The following PPP5C variants were observed in gnomAD, a reference collection of about 807,000 sequenced individuals.
The protein encoded by PPP5C is protein phosphatase 5 catalytic subunit.
Under a neutral mutation model 66.7 loss-of-function variants are expected in PPP5C, and 21 were observed. The observed-to-expected ratio is 0.31, with a 90% CI of 0.22 to 0.45. PPP5C has a LOEUF of 0.45. Among genes scored for constraint, PPP5C ranks in the 20% least tolerant of loss-of-function variants. The pLI is 1.00. For synonymous variants in PPP5C, 246 were observed against 257.4 expected (o/e 0.96, Z 0.43); for missense variants, 464 against 675.9 (o/e 0.69, Z 3.48).
chr19:46,365,886 AGTACTG>A (rs1972482282), intron 2 of PPP5C, among the ~76,000 whole-genome samples: 1 of 152,194 alleles, frequency 6.6e-6, no homozygotes, highest in African/African-American at 2.4e-5. Flanking sequence ...CCAGAATGCC[AGTACTG>A]TGACCCGGGC....
intron 4 of PPP5C, among the ~76,000 whole-genome samples, chr19:46,380,263 T>C (rs1177859090): frequency 1.3e-5 from 2 of 151,580 alleles, no homozygotes; most frequent in East Asian, 1.9e-4. Context: ...GAGGTTGCAG[T>C]GAGCCAAGGT....
Position 46,383,917 on chromosome 19 carries a change from C to A in PPP5C, c.798+39C>A, listed in dbSNP as rs1446574367. On this transcript the variant is annotated intron_variant, in intron 6 of 12. Transcript: ENST00000012443. This position sits in a 1 kb window ranked among gnomAD's most constrained non-coding sequence, Gnocchi z 5.0. ...CAGAGCCACCCTCTCCCCACCTCCA[C>A]CCCCAGCCGCAGCCTCAGGTCTGCA... 1 of 1,497,402 alleles carries A rather than the reference C, an allele frequency of 6.7e-7. No individual in the cohort carries two copies. The highest frequency in any genetic ancestry group is 2.3e-5 in the East Asian group (1 of 44,312). 92.8% of individuals were successfully genotyped at this position (1,497,402 alleles called of 1,614,324 possible).
intron 2 of PPP5C, among the ~76,000 whole-genome samples, chr19:46,370,316 T>C (rs1197512309): frequency 6.6e-6 from 1 of 152,248 alleles, no homozygotes; most frequent in Non-Finnish European, 1.5e-5. Flanking sequence ...TTTCTTTTGC[T>C]TTTTAAACTT....
At chr19:46,377,804 A>T (rs1312700178) in intron 4 of PPP5C, among the ~76,000 whole-genome samples, 1 of 152,264 alleles carries the variant, frequency 6.6e-6, no homozygotes, top group East Asian at 1.9e-4. Flanking sequence ...TGTGGGATTC[A>T]TACATGGATG....
chr19:46,390,586 A>T lies in PPP5C; in HGVS notation c.*240A>T. The T allele has an allele frequency of 1.5e-6, 2 of 1,376,182 alleles. No individual in the cohort carries two copies. Among genetic ancestry groups the T allele is most frequent in the Non-Finnish European group, 1.9e-6 (2 of 1,060,996 alleles). 85.2% of individuals were successfully genotyped at this position (1,376,182 alleles called of 1,614,324 possible). Reference sequence around the variant, plus strand: ...GTGGAGCAGCTGGGGCTGGGGGCACAGCCTGGGCATTCTGTGGGGAGGCCG... The same window carrying T: ...GTGGAGCAGCTGGGGCTGGGGGCACTGCCTGGGCATTCTGTGGGGAGGCCG... On this transcript the variant is annotated 3_prime_UTR_variant, in exon 13 of 13. Coordinates refer to ENST00000012443, the MANE Select transcript of PPP5C (RefSeq NM_006247.4).
At chr19:46,348,203 G>T (rs1360363893) in intron 1 of PPP5C, among the ~76,000 whole-genome samples, 2 of 152,104 alleles carry the variant, frequency 1.3e-5, no homozygotes, top group Admixed American at 1.3e-4. Context: ...TACTGGCATG[G>T]CTGGGGCTTT....
At chr19:46,384,249 G>A in intron 6 of PPP5C, 2 of 294,726 alleles carry the variant, frequency 6.8e-6, no homozygotes, top group African/African-American at 2.1e-5. Flanking sequence ...TTACTTCACT[G>A]CTTGGTGTCA....
chr19:46,384,988 A>C lies in PPP5C; in HGVS notation c.904+79A>C, dbSNP rs1972857855. On this transcript the variant is annotated intron_variant, in intron 7 of 12. Coordinates refer to ENST00000012443, the MANE Select transcript of PPP5C (RefSeq NM_006247.4). Reference sequence around the variant, plus strand: ...CTCACTCTGCAAGGATAATAGTTGCAGCTGTATTTATTTTGTGGACTCGGA... The same window carrying C: ...CTCACTCTGCAAGGATAATAGTTGCCGCTGTATTTATTTTGTGGACTCGGA... The C allele has an allele frequency of 2.0e-5, 23 of 1,147,194 alleles. No homozygotes were observed. The South Asian group carries it at 2.8e-4, about 14-fold the overall frequency. 71.1% of individuals were successfully genotyped at this position (1,147,194 alleles called of 1,614,324 possible).
intron 2 of PPP5C, among the ~76,000 whole-genome samples, chr19:46,361,786 C>T (rs1453426111): frequency 6.6e-6 from 1 of 151,166 alleles, no homozygotes; most frequent in East Asian, 1.9e-4. Flanking sequence ...AAATACTATA[C>T]CAAAATTTTG....
At chr19:46,368,877 A>G (rs945098154) in intron 2 of PPP5C, among the ~76,000 whole-genome samples, 1 of 152,230 alleles carries the variant, frequency 6.6e-6, no homozygotes, top group African/African-American at 2.4e-5. Flanking sequence ...CCAAGTCTAC[A>G]AAAGACATTA....
rs760802658 is a variant in PPP5C, at chr19:46,375,795, C to T, written c.511+44C>T. 3.2e-6 allele frequency: 5 copies of T among 1,538,610 alleles called. No individual in the cohort carries two copies. The East Asian group carries it at 9.8e-5, about 30-fold the overall frequency. ...CTCCACGCTCCAGCCCAGAACATTCCACACGGGCCTTCTCCATTCCCTGGG... is the reference window on the plus strand; with the variant it reads ...CTCCACGCTCCAGCCCAGAACATTCTACACGGGCCTTCTCCATTCCCTGGG... On this transcript the variant is annotated intron_variant, in intron 3 of 12. Coordinates refer to ENST00000012443, the MANE Select transcript of PPP5C (RefSeq NM_006247.4).
chr19:46,390,777 C>G lies in PPP5C; in HGVS notation c.*431C>G, dbSNP rs1336983320. 8.8e-7 allele frequency: 1 copy of G among 1,130,710 alleles called. No homozygotes were observed. The highest frequency in any genetic ancestry group is 6.3e-5 in the East Asian group (1 of 15,830). The allele number at this position is 1,130,710 out of a possible 1,614,324, so 70.0% of individuals were successfully genotyped here. On this transcript the variant is annotated 3_prime_UTR_variant, in exon 13 of 13. Coordinates refer to ENST00000012443, the MANE Select transcript of PPP5C (RefSeq NM_006247.4). ...CCTATAGCCCCATGGTGGGGCTAGG[C>G]TGGGGCTCACCCCCCTCCCCAGCTA...
At position 46,390,102 on chromosome 19, in the gene PPP5C, A is replaced by G; in HGVS notation, c.1407A>G (p.Leu469=). The G allele has an allele frequency of 2.9e-5, 47 of 1,614,026 alleles. No homozygotes were observed. The highest frequency in any genetic ancestry group is 4.0e-5 in the Non-Finnish European group (47 of 1,179,962). Residue 469 remains leucine, a synonymous_variant, in exon 12 of 13, where the codon CTA becomes CTG. Coordinates refer to ENST00000012443, the MANE Select transcript of PPP5C (RefSeq NM_006247.4). ...ACATCCACCTCCAGGGCTCTGACCTACGGCCTCAGTTCCACCAGTTCACAG... is the reference window on the plus strand; with the variant it reads ...ACATCCACCTCCAGGGCTCTGACCTGCGGCCTCAGTTCCACCAGTTCACAG... ...ASYIHLQGSD[L]RPQFHQFTAV... is the part of the protein sequence containing the mutation.
chr19:46,373,166 C>A (rs894991461), intron 2 of PPP5C, among the ~76,000 whole-genome samples: 2 of 152,236 alleles, frequency 1.3e-5, no homozygotes, highest in African/African-American at 4.8e-5. Context: ...TAACCACTGC[C>A]CCACGCTGCC....
At position 46,383,686 on chromosome 19, in the gene PPP5C, G is replaced by A; in HGVS notation, c.700-94G>A. 2 of 1,122,878 alleles carry A rather than the reference G, an allele frequency of 1.8e-6. No individual in the cohort carries two copies. The highest frequency in any genetic ancestry group is 2.6e-6 in the Non-Finnish European group (2 of 755,232). The allele number at this position is 1,122,878 out of a possible 1,614,324, so 69.6% of individuals were successfully genotyped here. On this transcript the variant is annotated intron_variant, in intron 5 of 12. Coordinates refer to ENST00000012443, the MANE Select transcript of PPP5C (RefSeq NM_006247.4). The surrounding 1 kb of genome is among the most constrained non-coding windows in gnomAD (Gnocchi z 5.0). ...TGTGTCTCTTGCATGATTCTTCTTGGTCTACTGTGAACTCTTACCCTTCCC... is the reference window on the plus strand; with the variant it reads ...TGTGTCTCTTGCATGATTCTTCTTGATCTACTGTGAACTCTTACCCTTCCC...
intron 11 of PPP5C, among the ~76,000 whole-genome samples, chr19:46,389,403 A>AGAGTGTTGATC (rs1568579885): frequency 1.5e-4 from 4 of 26,068 alleles, no homozygotes; most frequent in African/African-American, 2.2e-4. Context: ...ACACACACAC[A>AGAGTGTTGATC]CACACACACA....
intron 4 of PPP5C, chr19:46,382,714 C>T (rs1972814362): frequency 2.3e-6 from 2 of 877,980 alleles, no homozygotes; most frequent in Non-Finnish European, 2.7e-6. Flanking sequence ...CTCCCAAAAA[C>T]AAAGACGTCC....
intron 1 of PPP5C, among the ~76,000 whole-genome samples, chr19:46,350,425 T>C (rs1409226010): frequency 3.3e-5 from 5 of 152,088 alleles, no homozygotes; most frequent in Non-Finnish European, 7.4e-5. Flanking sequence ...ACAGCAGCCA[T>C]TGGGAGGAGC....
intron 2 of PPP5C, among the ~76,000 whole-genome samples, chr19:46,374,150 G>A (rs1304470697): frequency 6.6e-6 from 1 of 152,152 alleles, no homozygotes. Context: ...GGTGCCCTAG[G>A]CCTGCCCAGA....
Sources: gnomAD v4.1 joint callset for allele counts (sites outside exome capture counted in the v4.1 genomes callset) on GRCh38, gnomAD v4.1.1 for gene constraint, Gnocchi (gnomAD v3.1) non-coding constraint, MANE v1.5 for transcripts, NCBI Gene and HGNC (gene_info 2026-07-23, HGNC 2026-07-21) for gene names.